The following SLC2A2 variants were observed in gnomAD, a reference collection of about 807,000 sequenced individuals.
The protein encoded by SLC2A2 is solute carrier family 2 member 2.
SLC2A2 carries 36 observed loss-of-function variants against 54.5 expected under a neutral mutation model. The ratio of observed to expected loss-of-function variants is 0.66; its 90% CI spans 0.51 to 0.87. The LOEUF (loss-of-function observed/expected upper bound fraction) is 0.87. SLC2A2 is among the 40% of genes least tolerant of loss of function. The probability of loss-of-function intolerance (pLI) is 0.00; values close to 1 mark genes in which losing one functional copy is unlikely to be tolerated. For synonymous variants in SLC2A2, 223 were observed against 219.1 expected, an observed-to-expected ratio of 1.02 and a Z score of -0.16; for missense variants, 543 against 624.3, an observed-to-expected ratio of 0.87 and a Z score of 1.39.
chr3:171,019,778 G>T (rs369549422), intron 1 of SLC2A2, among the ~76,000 whole-genome samples: 2 of 152,074 alleles, frequency 1.3e-5, no homozygotes, highest in Non-Finnish European at 2.9e-5. Context: ...GTTTTTAAAG[G>T]CTTAAACATG....
In SLC2A2 at chr3:171,018,589, G is replaced by A; in HGVS notation, c.50C>T (p.Ala17Val). The change falls in exon 2 of 11, where the codon GCT (alanine) becomes GTT (valine). Residue 17 changes from alanine (A) to valine (V), a missense_variant. Physicochemically the swap from Ala to Val is moderately conservative, Grantham distance 64. Coordinates refer to ENST00000314251, the MANE Select transcript of SLC2A2 (RefSeq NM_000340.2). ...TCCAAACTGGAAGGAACCCAGCACA[G>A]CAGTGATGACAGTGAAAACCAGGGT... ...TGTLVFTVIT[A>V]VLGSFQFGYD... The A allele has an allele frequency of 6.2e-7, 1 of 1,613,960 alleles. No homozygotes were observed. Among genetic ancestry groups the A allele is most frequent in the Non-Finnish European group, 8.5e-7 (1 of 1,179,848 alleles).
In SLC2A2 at chr3:171,009,948, T is replaced by TGA. The variant is rs779258452; in HGVS notation, c.496+9_496+10insTC. On this transcript the variant is annotated intron_variant, in intron 4 of 10. Transcript: ENST00000314251. ...GTGTGTGTGTGTGTGTGTGTGTGTG[T>TGA]GTGACTTACCACAATATAGTCCTGA... 6.4e-7 allele frequency: 1 copy of TGA among 1,569,404 alleles called. No individual in the cohort carries two copies. The highest frequency in any genetic ancestry group is 1.8e-5 in the Admixed American group (1 of 55,182).
intron 1 of SLC2A2, among the ~76,000 whole-genome samples, chr3:171,020,632 C>T (rs1348198311): frequency 2.6e-5 from 4 of 152,032 alleles, no homozygotes; most frequent in East Asian, 3.9e-4. Context: ...CCTGTAATCC[C>T]ACCACTTTGA....
At position 171,009,988 on chromosome 3, in the gene SLC2A2, C is replaced by A; in HGVS notation, c.466G>T (p.Ala156Ser). 3.1e-6 allele frequency: 5 copies of A among 1,594,914 alleles called. No individual in the cohort carries two copies. Among genetic ancestry groups the A allele is most frequent in the Non-Finnish European group, 4.3e-6 (5 of 1,168,700 alleles). The change falls in exon 4 of 11, where the codon GCT (alanine) becomes TCT (serine). Residue 156 changes from alanine (A) to serine (S), a missense_variant. Ala to Ser is a moderately conservative substitution (Grantham distance 99). Around this residue, in one of 3 missense-constraint regions of SLC2A2, gnomAD observed 318 missense variants for 343.8 expected, o/e 0.93. Coordinates refer to ENST00000314251, the MANE Select transcript of SLC2A2 (RefSeq NM_000340.2). ...TATAGTCCTGATATGCTTCTTCCAG[C>A]AATTATAAGTATATGAGATGGTCCC... Reference protein sequence around the residue: ...KLGPSHILIIAGRSISGLYCG... With the variant: ...KLGPSHILIISGRSISGLYCG...
rs7356034 is a variant in SLC2A2 at position 171,014,810 on chromosome 3, G to A, written c.109-79C>T. 336,604 of 1,142,728 alleles carry A rather than the reference G, an allele frequency of 0.29. 51,691 individuals carry two copies. The highest frequency in any genetic ancestry group is 0.51 in the African/African-American group (33,118 of 65,374). 70.8% of individuals were successfully genotyped at this position (1,142,728 alleles called of 1,614,324 possible). ...TTTTTGTCTTTAAAGTGTTTGTTAC[G>A]TGTTTAAATAGTACCATCTCAATTA... On this transcript the variant is annotated intron_variant, in intron 2 of 10. Coordinates refer to ENST00000314251, the MANE Select transcript of SLC2A2 (RefSeq NM_000340.2).
Position 170,996,695 on chromosome 3 carries a change from G to A in SLC2A2, c.*1208C>T. 1 of 397,786 alleles carries A rather than the reference G, an allele frequency of 2.5e-6. No individual in the cohort carries two copies. The highest frequency in any genetic ancestry group is 4.4e-5 in the Admixed American group (1 of 22,698). 24.6% of individuals were successfully genotyped at this position (397,786 alleles called of 1,614,324 possible). On this transcript the variant is annotated 3_prime_UTR_variant, in exon 11 of 11. Coordinates refer to ENST00000314251, the MANE Select transcript of SLC2A2 (RefSeq NM_000340.2). Reference sequence around the variant, plus strand: ...TAAAGGCAGATAGATAGTGTACAATGCGTGTTAGTAATGGCCATAGAATAG... The same window carrying A: ...TAAAGGCAGATAGATAGTGTACAATACGTGTTAGTAATGGCCATAGAATAG...
At chr3:171,014,370 G>T in intron 3 of SLC2A2, 99 bp downstream of exon 3, 1 of 1,337,502 alleles carries the variant, frequency 7.5e-7, no homozygotes, top group Non-Finnish European at 1.1e-6. Flanking sequence ...CAACTCTAAA[G>T]CTATTCCACA....
intron 1 of SLC2A2, among the ~76,000 whole-genome samples, chr3:171,020,706 G>A (rs1031161249): frequency 5.3e-5 from 8 of 151,760 alleles, no homozygotes; most frequent in Non-Finnish European, 1.2e-4. Context: ...AGCATAGCAA[G>A]ACCTTGTCTC....
In SLC2A2 at chr3:171,008,722, G is replaced by A. The variant is rs182989826; in HGVS notation, c.496+1236C>T. 7.2e-5 allele frequency among the ~76,000 whole-genome samples: 11 copies of A among 152,044 alleles called. No homozygotes were observed. The East Asian group carries it at 1.6e-3, about 21-fold the overall frequency. On this transcript the variant is annotated intron_variant, in intron 4 of 10. Coordinates refer to ENST00000314251, the MANE Select transcript of SLC2A2 (RefSeq NM_000340.2). ...GACTTCGTTCATAGTGTTATTATCT[G>A]CATTTTATGGGAGAAGAAACTGAGG...
rs121909743 is a variant in SLC2A2 at position 171,005,347 on chromosome 3, G to A, written c.901C>T (p.Arg301Ter). The change falls in exon 7 of 11, where the codon CGA becomes TGA. Residue 301 changes from arginine (R) to a stop codon, truncating the protein, a stop_gained. Coordinates refer to ENST00000314251, the MANE Select transcript of SLC2A2 (RefSeq NM_000340.2). LOFTEE classifies it high-confidence loss of function. The stretch of plus-strand genomic sequence containing the variant: ...ATCAGTGCCACTAGAATAGGCTGTC[G>A]GTAGCTGGAATTGGTGAAGAGCTGA... ...IIQLFTNSSY[R>*]QPILVALMLH... The A allele has an allele frequency of 2.4e-5, 39 of 1,612,828 alleles. No homozygotes were observed. The highest frequency in any genetic ancestry group is 2.7e-5 in the African/African-American group (2 of 74,802).
chr3:171,013,120 C>T (rs944495109), intron 3 of SLC2A2, among the ~76,000 whole-genome samples: 8 of 151,830 alleles, frequency 5.3e-5, no homozygotes, highest in Admixed American at 6.6e-5. Flanking sequence ...TATTTTAGAA[C>T]GTAATTTAAT....
chr3:171,008,348 G>GA (rs559601466), intron 4 of SLC2A2, among the ~76,000 whole-genome samples: 1 of 151,912 alleles, frequency 6.6e-6, no homozygotes, highest in Non-Finnish European at 1.5e-5. Flanking sequence ...TCTTAAGTAA[G>GA]AAAAAAATCA....
chr3:171,007,828 G>C (rs1241336289), intron 4 of SLC2A2, among the ~76,000 whole-genome samples: 1 of 152,020 alleles, frequency 6.6e-6, no homozygotes, highest in Non-Finnish European at 1.5e-5. Flanking sequence ...AAGAGGTTAA[G>C]GATCTTAAGG....
chr3:171,008,286 A>G (rs1277556863), intron 4 of SLC2A2, among the ~76,000 whole-genome samples: 1 of 152,118 alleles, frequency 6.6e-6, no homozygotes, highest in African/African-American at 2.4e-5. Context: ...GTGATAAGGT[A>G]TCTGTATTTC....
chr3:171,021,009 A>G (rs1244249818), intron 1 of SLC2A2, among the ~76,000 whole-genome samples: 2 of 151,896 alleles, frequency 1.3e-5, no homozygotes, highest in Non-Finnish European at 2.9e-5. Context: ...CGTGAATTAT[A>G]TATATTATAC....
Position 171,003,618 on chromosome 3 carries a change from C to T in SLC2A2, c.964-938G>A, listed in dbSNP as rs1036564489. Among the ~76,000 whole-genome samples, 11 of 151,994 alleles carry T rather than the reference C, an allele frequency of 7.2e-5. No homozygotes were observed. The East Asian group carries it at 1.4e-3, about 19-fold the overall frequency. On this transcript the variant is annotated intron_variant, in intron 7 of 10. Coordinates refer to ENST00000314251, the MANE Select transcript of SLC2A2 (RefSeq NM_000340.2). ...AGCAAAACGAAAGTTAATGCTCACT[C>T]AATATATATTTGTTGTAGCAAGACA...
At chr3:170,998,749 G>A (rs1560031725) in intron 9 of SLC2A2, among the ~76,000 whole-genome samples, 2 of 152,098 alleles carry the variant, frequency 1.3e-5, no homozygotes, top group Admixed American at 6.6e-5. Context: ...ACATGCCCAA[G>A]GTCACACAGG....
chr3:171,015,790 G>A (rs1478863251), intron 2 of SLC2A2, among the ~76,000 whole-genome samples: 1 of 152,148 alleles, frequency 6.6e-6, no homozygotes, highest in Non-Finnish European at 1.5e-5. Flanking sequence ...CCTTGAGAAG[G>A]TATTGAGACC....
chr3:171,019,236 T>C (rs1039232838), intron 1 of SLC2A2, among the ~76,000 whole-genome samples: 1 of 151,164 alleles, frequency 6.6e-6, no homozygotes, highest in East Asian at 2.0e-4. Context: ...AGAGCCATTA[T>C]ATCATTGGGA....
Sources: gnomAD v4.1 joint callset for allele counts (sites outside exome capture counted in the v4.1 genomes callset) on GRCh38, gnomAD v4.1.1 for gene constraint, gnomAD v4.1.1 regional missense constraint, MANE v1.5 for transcripts, NCBI Gene and HGNC (gene_info 2026-07-23, HGNC 2026-07-21) for gene names.